Variants in MDGA2 observed in about 807,000 individuals in gnomAD.
The protein encoded by MDGA2 is MAM domain-containing glycosylphosphatidylinositol anchor protein 2.
In MDGA2, 40 loss-of-function variants were observed where a neutral mutation model predicts 117.8. The observed-to-expected ratio is 0.34, with a 90% confidence interval of 0.26 to 0.44. The LOEUF (loss-of-function observed/expected upper bound fraction) is 0.44. MDGA2 is among the 20% of genes least tolerant of loss of function. MDGA2 has a pLI of 1.00. For synonymous variants in MDGA2, 452 were observed against 439.0 expected, an observed-to-expected ratio of 1.03 and a Z score of -0.37; for missense variants, 1,123 against 1,250.6, an observed-to-expected ratio of 0.90 and a Z score of 1.54.
chr14:47,168,395 A>G (rs546470418), intron 3 of MDGA2, among the ~76,000 whole-genome samples: 1 of 151,984 alleles, frequency 6.6e-6, no homozygotes, highest in African/African-American at 2.4e-5. Context: ...TAAATTTACC[A>G]TAATTTCATT....
chr14:47,375,146 G>C (rs1891449571), intron 1 of MDGA2, among the ~76,000 whole-genome samples: 1 of 150,394 alleles, frequency 6.6e-6, no homozygotes, highest in African/African-American at 2.4e-5. Flanking sequence ...TAGTTCTTCA[G>C]AGGGTTCAAC....
At chr14:47,210,594 GGA>G (rs1885844788) in intron 3 of MDGA2, among the ~76,000 whole-genome samples, 1 of 152,076 alleles carries the variant, frequency 6.6e-6, no homozygotes, top group African/African-American at 2.4e-5. Context: ...TTCCTACCTA[GGA>G]TATACTCTTT....
At chr14:47,225,476 C>T (rs1886453561) in intron 2 of MDGA2, among the ~76,000 whole-genome samples, 1 of 151,962 alleles carries the variant, frequency 6.6e-6, no homozygotes, top group African/African-American at 2.4e-5. Context: ...GAATACTATG[C>T]AGCCATAAAA....
chr14:47,628,710 T>C (rs770784764), intron 1 of MDGA2, among the ~76,000 whole-genome samples: 14 of 152,214 alleles, frequency 9.2e-5, no homozygotes, highest in Admixed American at 9.2e-4. Context: ...AGGGGAAATA[T>C]GACGGATACT....
chr14:46,930,116 A>AG (rs1884510387), intron 9 of MDGA2, among the ~76,000 whole-genome samples: 1 of 151,408 alleles, frequency 6.6e-6, no homozygotes, highest in East Asian at 1.9e-4. Context: ...CCAAAGAAGA[A>AG]AAAAAAACTG....
At chr14:47,649,076 T>C (rs1294834497) in intron 1 of MDGA2, among the ~76,000 whole-genome samples, 2 of 152,190 alleles carry the variant, frequency 1.3e-5, no homozygotes, top group Admixed American at 6.5e-5. Context: ...AAATTCATCA[T>C]ATAAAATATT....
At chr14:47,670,848 A>G (rs886354364) in intron 1 of MDGA2, among the ~76,000 whole-genome samples, 8 of 152,112 alleles carry the variant, frequency 5.3e-5, no homozygotes, top group Admixed American at 3.9e-4. Context: ...ATAACTTTTT[A>G]AAATCCAATA....
At chr14:46,854,291 T>C (rs978089898) in intron 15 of MDGA2, among the ~76,000 whole-genome samples, 1 of 151,692 alleles carries the variant, frequency 6.6e-6, no homozygotes, top group African/African-American at 2.4e-5. Context: ...ATATATGTCA[T>C]AGACTTTGAA....
intron 9 of MDGA2, among the ~76,000 whole-genome samples, chr14:46,951,205 T>A (rs771359367): frequency 2.3e-4 from 35 of 151,876 alleles, no homozygotes; most frequent in Non-Finnish European, 5.9e-5. Flanking sequence ...TTTGGCAGGA[T>A]TAAGGAAAGG....
chr14:47,619,924 T>C (rs546256096), intron 1 of MDGA2, among the ~76,000 whole-genome samples: 5 of 152,230 alleles, frequency 3.3e-5, no homozygotes, highest in Non-Finnish European at 7.3e-5. Context: ...GATCTGTTGT[T>C]GTCCTCATCC....
chr14:47,593,747 TC>T (rs1306043399), intron 1 of MDGA2, among the ~76,000 whole-genome samples: 1 of 151,906 alleles, frequency 6.6e-6, no homozygotes, highest in Admixed American at 6.6e-5. Flanking sequence ...AGGGTGAGCA[TC>T]AGGATAAATA....
At chr14:47,221,356 G>A (rs1001766849) in intron 2 of MDGA2, among the ~76,000 whole-genome samples, 1 of 152,048 alleles carries the variant, frequency 6.6e-6, no homozygotes, top group African/African-American at 2.4e-5. Context: ...GTCAATTAAA[G>A]TATCACAAAA....
At chr14:47,406,054 C>T (rs188950616) in intron 1 of MDGA2, among the ~76,000 whole-genome samples, 33 of 152,116 alleles carry the variant, frequency 2.2e-4, no homozygotes, top group Middle Eastern at 6.8e-3. Flanking sequence ...ATTAATTGAT[C>T]TCTTTATGTG....
At chr14:47,610,145 A>C (rs1026986253) in intron 1 of MDGA2, among the ~76,000 whole-genome samples, 4 of 152,126 alleles carry the variant, frequency 2.6e-5, no homozygotes, top group Non-Finnish European at 5.9e-5. Context: ...CTCTCAGCAA[A>C]ATCGGCATAA....
chr14:47,321,912 G>A (rs912403991), intron 1 of MDGA2, among the ~76,000 whole-genome samples: 1 of 151,976 alleles, frequency 6.6e-6, no homozygotes, highest in African/African-American at 2.4e-5. Context: ...AATTTATATT[G>A]AGAAAGTCCC....
At chr14:47,403,022 C>T (rs1892187177) in intron 1 of MDGA2, among the ~76,000 whole-genome samples, 1 of 152,128 alleles carries the variant, frequency 6.6e-6, no homozygotes, top group African/African-American at 2.4e-5. Context: ...AACACAAAAG[C>T]ATTCTTAAGA....
intron 9 of MDGA2, among the ~76,000 whole-genome samples, chr14:46,956,532 C>T (rs1885567079): frequency 6.6e-6 from 1 of 151,668 alleles, no homozygotes; most frequent in South Asian, 2.1e-4. Flanking sequence ...TTGAAAGTCA[C>T]CATATATTGC....
At chr14:47,212,370 G>T (rs2139485537) in intron 3 of MDGA2, among the ~76,000 whole-genome samples, 1 of 152,256 alleles carries the variant, frequency 6.6e-6, no homozygotes, top group South Asian at 2.1e-4. Flanking sequence ...ACTTCATGGA[G>T]CTTAGTAACA....
intron 1 of MDGA2, among the ~76,000 whole-genome samples, chr14:47,613,242 G>C (rs777125135): frequency 1.7e-4 from 26 of 152,114 alleles, no homozygotes; most frequent in Non-Finnish European, 3.8e-4. Context: ...CTCCAGCTCT[G>C]TGTGACCCCA....
Sources: allele counts gnomAD v4.1 joint callset (sites outside exome capture counted in the v4.1 genomes callset), GRCh38; gene constraint gnomAD v4.1.1; transcripts MANE v1.5; gene names NCBI Gene and HGNC (gene_info 2026-07-23, HGNC 2026-07-21).